The following MYO1H variants were observed in gnomAD, a reference collection of about 807,000 sequenced individuals.
MYO1H encodes the protein myosin IH, also known as unconventional myosin-Ih.
Under a neutral mutation model 149.3 loss-of-function variants are expected in MYO1H, and 118 were observed. That is an observed-to-expected ratio of 0.79 (90% CI 0.68 to 0.92). The LOEUF (loss-of-function observed/expected upper bound fraction) is 0.92. MYO1H is among the 40% of genes least tolerant of loss of function. The pLI, the probability that MYO1H is intolerant of heterozygous loss-of-function variation, is 0.00. For synonymous variants in MYO1H, 447 were observed against 465.2 expected (o/e 0.96, Z 0.50); for missense variants, 1,212 against 1,280.7 (o/e 0.95, Z 0.82).
chr12:109,337,488 C>T, the MYO1H span, among the ~76,000 whole-genome samples: 1 of 152,084 alleles, frequency 6.6e-6, no homozygotes, highest in South Asian at 2.1e-4. Flanking sequence ...GGGGAGGCCT[C>T]ACAATAGGGG....
At chr12:109,358,783 C>G (rs1199132784) in intron 1 of MYO1H, among the ~76,000 whole-genome samples, 1 of 97,388 alleles carries the variant, frequency 1.0e-5, no homozygotes, top group Non-Finnish European at 1.9e-5. Flanking sequence ...GATAATCTGG[C>G]GAGGCTTTAA....
intron 1 of MYO1H, among the ~76,000 whole-genome samples, chr12:109,376,903 G>C (rs746783965): frequency 9.9e-5 from 15 of 152,174 alleles, no homozygotes; most frequent in Non-Finnish European, 1.9e-4. Context: ...AACATCTTTA[G>C]AATACTGAGT....
Position 109,443,636 on chromosome 12 carries a change from C to G in MYO1H, c.2811C>G (p.Tyr937Ter). 6.2e-7 allele frequency: 1 copy of G among 1,613,758 alleles called. No homozygotes were observed. Among genetic ancestry groups the G allele is most frequent in the Non-Finnish European group, 8.5e-7 (1 of 1,179,844 alleles). Reference sequence around the variant, plus strand: ...CCAAAATCAAGCAGAAAATAGAGTACTCAGCTCTCAAAGGTAAGAAGTGGG... The same window carrying G: ...CCAAAATCAAGCAGAAAATAGAGTAGTCAGCTCTCAAAGGTAAGAAGTGGG... The change falls in exon 28 of 32, where the codon TAC (tyrosine) becomes TAG (stop). Residue 937 changes from tyrosine to a stop codon, truncating the protein, a stop_gained. Transcript: ENST00000310903. LOFTEE classifies it high-confidence loss of function.
At chr12:109,403,000 T>C (rs1870228864) in intron 6 of MYO1H, among the ~76,000 whole-genome samples, 1 of 152,236 alleles carries the variant, frequency 6.6e-6, no homozygotes, top group African/African-American at 2.4e-5. Flanking sequence ...TTTGCCACTA[T>C]TATTTTAAAA....
At chr12:109,446,560 T>TC (rs1231929558) in intron 31 of MYO1H, 1 of 593,856 alleles carries the variant, frequency 1.7e-6, no homozygotes, top group Non-Finnish European at 2.1e-6. Flanking sequence ...GGTCAGGAGT[T>TC]CGAGACCAGT....
the MYO1H span, among the ~76,000 whole-genome samples, chr12:109,332,733 A>G: frequency 5.9e-5 from 9 of 152,182 alleles, no homozygotes; most frequent in Admixed American, 5.9e-4. Flanking sequence ...ACATGCCACC[A>G]TAGCTGGCTA....
chr12:109,322,747 G>A, the MYO1H span, among the ~76,000 whole-genome samples: 9 of 150,730 alleles, frequency 6.0e-5, no homozygotes, highest in Non-Finnish European at 1.0e-4. Flanking sequence ...TTGAACTTGG[G>A]AGGCGGAGGT....
chr12:109,363,733 G>T (rs552268209), intron 1 of MYO1H, among the ~76,000 whole-genome samples: 4 of 151,920 alleles, frequency 2.6e-5, no homozygotes, highest in African/African-American at 9.7e-5. Context: ...AAGAAGACGC[G>T]TCTTGCTGGC....
chr12:109,335,525 T>C, the MYO1H span, among the ~76,000 whole-genome samples: 1 of 152,126 alleles, frequency 6.6e-6, no homozygotes, highest in Non-Finnish European at 1.5e-5. Context: ...TCAATCATAC[T>C]CTTTATTTTT....
At chr12:109,346,317 T>A (rs1007546194), upstream of MYO1H, among the ~76,000 whole-genome samples, 1 of 152,180 alleles carries the variant, frequency 6.6e-6, no homozygotes, top group Non-Finnish European at 1.5e-5. Flanking sequence ...CAATTGAGCA[T>A]CCATGGATTT....
chr12:109,393,557 A>C, intron 3 of MYO1H, 111 bp downstream of exon 3: 1 of 658,824 alleles, frequency 1.5e-6, no homozygotes, highest in Non-Finnish European at 2.7e-6. Context: ...CCATCCATCC[A>C]TCCATCCATC....
chr12:109,335,246 G>A, the MYO1H span, among the ~76,000 whole-genome samples: 1 of 152,160 alleles, frequency 6.6e-6, no homozygotes, highest in African/African-American at 2.4e-5. Flanking sequence ...GGAGGCCTCA[G>A]GGAACTTACA....
At chr12:109,318,966 G>GTT in the MYO1H span, among the ~76,000 whole-genome samples, 34 of 61,258 alleles carry the variant, frequency 5.6e-4, 1 homozygote, top group East Asian at 0.01. Context: ...CTGCGTTTTT[G>GTT]GTTTTGTTTT....
exon 23 of MYO1H, chr12:109,438,566 C>A (rs1871972228): frequency 6.2e-7 from 1 of 1,613,292 alleles, no homozygotes. Flanking sequence ...TGGCGTGGGG[C>A]CCTGGCTCGG....
the MYO1H span, among the ~76,000 whole-genome samples, chr12:109,326,663 A>G: frequency 6.6e-6 from 1 of 151,846 alleles, no homozygotes; most frequent in Non-Finnish European, 1.5e-5. Context: ...CCGGGATTAC[A>G]GGCATGTCAC....
intron 3 of MYO1H, 40 bp from the exon 4 acceptor site, chr12:109,396,344 C>G (rs748924945): frequency 1.3e-5 from 20 of 1,537,382 alleles, no homozygotes; most frequent in Non-Finnish European, 1.7e-5. Flanking sequence ...AAGGGAAGTA[C>G]CATTAAAACG....
intron 1 of MYO1H, among the ~76,000 whole-genome samples, chr12:109,387,664 G>C (rs1297557694): frequency 6.6e-6 from 1 of 152,110 alleles, no homozygotes; most frequent in Non-Finnish European, 1.5e-5. Flanking sequence ...CGTGGTATGT[G>C]GGGGGGACAC....
At chr12:109,431,133 G>A (rs896498398) in intron 19 of MYO1H, among the ~76,000 whole-genome samples, 3 of 150,942 alleles carry the variant, frequency 2.0e-5, no homozygotes, top group Admixed American at 6.6e-5. Flanking sequence ...TAATCCCAGC[G>A]CTTTGGGAGG....
exon 20 of MYO1H, chr12:109,432,920 C>A: frequency 6.2e-7 from 1 of 1,614,016 alleles, no homozygotes; most frequent in Non-Finnish European, 8.5e-7. Context: ...TGCCCAGACA[C>A]CTGGCCGCAC....
Sources: allele counts gnomAD v4.1 joint callset (sites outside exome capture counted in the v4.1 genomes callset), GRCh38; gene constraint gnomAD v4.1.1; transcripts MANE v1.5; gene names NCBI Gene and HGNC (gene_info 2026-07-23, HGNC 2026-07-21).